The following ANKH variants were observed in gnomAD, a reference collection of about 807,000 sequenced individuals.
ANKH encodes ANKH inorganic pyrophosphate transport regulator.
In ANKH, 15 loss-of-function variants were observed where a neutral mutation model predicts 49.0. The observed-to-expected ratio is 0.31, with a 90% CI of 0.20 to 0.47. The LOEUF is 0.47. ANKH is among the 20% of genes least tolerant of loss of function. The pLI is 1.00. For missense variants in ANKH, 429 were observed against 652.0 expected, an observed-to-expected ratio of 0.66 and a Z score of 3.72; for synonymous variants, 273 against 260.0, an observed-to-expected ratio of 1.05 and a Z score of -0.48.
At chr5:14,870,147 C>A (rs1735773174) in intron 1 of ANKH, 1 of 152,080 alleles carries the variant, frequency 6.6e-6, no homozygotes, top group Non-Finnish European at 1.5e-5. Flanking sequence ...GCGCGGTAAA[C>A]AAAGGTCTCT....
intron 1 of ANKH, among the ~76,000 whole-genome samples, chr5:14,779,951 A>G (rs1304235535): frequency 2.0e-5 from 3 of 152,164 alleles, no homozygotes; most frequent in East Asian, 1.9e-4. Context: ...TTGGATGTCA[A>G]TTGGGATAGA....
chr5:14,834,714 G>A (rs1386687069), intron 1 of ANKH, among the ~76,000 whole-genome samples: 4 of 152,208 alleles, frequency 2.6e-5, no homozygotes, highest in African/African-American at 9.6e-5. Context: ...CCAGGAGGCT[G>A]AGGTTGCAGT....
intron 8 of ANKH, among the ~76,000 whole-genome samples, chr5:14,726,317 G>A (rs1328082345): frequency 6.6e-6 from 1 of 152,196 alleles, no homozygotes; most frequent in African/African-American, 2.4e-5. Context: ...ACGTAAGGAA[G>A]GAGGACAGTT....
At chr5:14,833,366 C>T (rs1290586220) in intron 1 of ANKH, among the ~76,000 whole-genome samples, 2 of 152,178 alleles carry the variant, frequency 1.3e-5, no homozygotes, top group Non-Finnish European at 2.9e-5. Context: ...CATTCATTCA[C>T]ACACAAGGGT....
chr5:14,826,858 T>C (rs964683147), intron 1 of ANKH, among the ~76,000 whole-genome samples: 5 of 152,256 alleles, frequency 3.3e-5, no homozygotes, highest in African/African-American at 1.2e-4. Context: ...TTCTGCTTCC[T>C]GGGCCCCCAG....
chr5:14,761,209 G>A lies in ANKH; in HGVS notation c.314-2611C>T, dbSNP rs116313904. On this transcript the variant is annotated intron_variant, in intron 2 of 11. Transcript: ENST00000284268. Reference sequence around the variant, plus strand: ...ATATCTCTCAGAAGGAACCGCCCCTGCAACACCTTGACCTCGGACTTCCAG... The same window carrying A: ...ATATCTCTCAGAAGGAACCGCCCCTACAACACCTTGACCTCGGACTTCCAG... 5.2e-3 allele frequency among the ~76,000 whole-genome samples: 790 copies of A among 152,284 alleles called. 8 individuals are homozygous for A. Among genetic ancestry groups the A allele is most frequent in the African/African-American group, 0.018 (759 of 41,554 alleles).
chr5:14,861,067 C>T (rs1735473699), intron 1 of ANKH, among the ~76,000 whole-genome samples: 1 of 152,082 alleles, frequency 6.6e-6, no homozygotes, highest in South Asian at 2.1e-4. Flanking sequence ...CATGAGCCAC[C>T]GTGCCCGGCC....
At chr5:14,735,961 G>T (rs1401049520) in intron 8 of ANKH, among the ~76,000 whole-genome samples, 1 of 142,134 alleles carries the variant, frequency 7.0e-6, no homozygotes, top group African/African-American at 2.7e-5. Context: ...ACCCCCCACT[G>T]ACTACAAAAA....
At position 14,819,353 on chromosome 5, in the gene ANKH, T is replaced by C. The variant is rs1478900203; in HGVS notation, c.97-50162A>G. The stretch of plus-strand genomic sequence containing the variant: ...CCATATCTATGTGGGACTATATTGC[T>C]GTAATGCAGTCATGAAAATCTGCGG... On this transcript the variant is annotated intron_variant, in intron 1 of 11. Transcript: ENST00000284268. Among the ~76,000 whole-genome samples, 4 of 152,390 alleles carry C rather than the reference T, an allele frequency of 2.6e-5. No homozygotes were observed. In the East Asian group the frequency reaches 5.8e-4, roughly 22 times the overall value.
chr5:14,725,880 G>A lies in ANKH; in HGVS notation c.1012-9045C>T, dbSNP rs1580008912. On this transcript the variant is annotated intron_variant, in intron 8 of 11. Transcript: ENST00000284268. This position sits in a 1 kb window ranked among gnomAD's most constrained non-coding sequence, Gnocchi z 4.0. ...CCCGCCTCAGCCTCCTGAGTAGCTG[G>A]GACTACAGGTACGTGCCACCACGCC... Among the ~76,000 whole-genome samples the A allele has an allele frequency of 2.6e-5, 4 of 152,306 alleles. No individual in the cohort carries two copies. In the South Asian group the frequency reaches 6.2e-4, roughly 24 times the overall value.
At chr5:14,769,992 C>A (rs916612196) in intron 1 of ANKH, among the ~76,000 whole-genome samples, 1 of 152,150 alleles carries the variant, frequency 6.6e-6, no homozygotes, top group African/African-American at 2.4e-5. Context: ...TTTCCCACCC[C>A]GAAGACAAAT....
chr5:14,738,412 C>T (rs1738251852), intron 8 of ANKH, among the ~76,000 whole-genome samples: 1 of 152,162 alleles, frequency 6.6e-6, no homozygotes, highest in Admixed American at 6.5e-5. Context: ...GGGGTCAGCT[C>T]TTCTCAAAAG....
At chr5:14,803,137 T>C (rs967638115) in intron 1 of ANKH, among the ~76,000 whole-genome samples, 1 of 152,206 alleles carries the variant, frequency 6.6e-6, no homozygotes, top group Admixed American at 6.5e-5. Flanking sequence ...GTGTGCATAC[T>C]GGGCTGCAAT....
intron 1 of ANKH, among the ~76,000 whole-genome samples, chr5:14,782,157 C>T (rs1439999448): frequency 1.3e-5 from 2 of 152,064 alleles, no homozygotes; most frequent in Non-Finnish European, 2.9e-5. Context: ...AGTGTGTTTA[C>T]ACTAAGCAAA....
At chr5:14,747,311 A>G (rs1738569236) in intron 6 of ANKH, among the ~76,000 whole-genome samples, 1 of 152,208 alleles carries the variant, frequency 6.6e-6, no homozygotes, top group Non-Finnish European at 1.5e-5. Context: ...CAGCCATGGT[A>G]GCTTAAGCCT....
intron 8 of ANKH, among the ~76,000 whole-genome samples, chr5:14,740,459 G>A (rs1738319109): frequency 6.6e-6 from 1 of 152,044 alleles, no homozygotes; most frequent in African/African-American, 2.4e-5. Flanking sequence ...GCTCAAACAG[G>A]CATTGCTATC....
At chr5:14,793,949 C>T (rs1227513438) in intron 1 of ANKH, among the ~76,000 whole-genome samples, 1 of 152,246 alleles carries the variant, frequency 6.6e-6, no homozygotes, top group Non-Finnish European at 1.5e-5. Flanking sequence ...AGAAGTAATG[C>T]TATCCACTGA....
In ANKH at chr5:14,711,144, C is replaced by T; in HGVS notation, c.*53G>A. On this transcript the variant is annotated 3_prime_UTR_variant, in exon 12 of 12. Coordinates refer to ENST00000284268, the MANE Select transcript of ANKH (RefSeq NM_054027.6). ...ACGATGGGAGAGGGAAGAGATGATG[C>T]CGAAGTGTCATCCTGACTGACTGTC... is the stretch of plus-strand genomic sequence containing the variant. 7.0e-7 allele frequency: 1 copy of T among 1,427,734 alleles called. No individual in the cohort carries two copies. The highest frequency in any genetic ancestry group is 9.9e-7 in the Non-Finnish European group (1 of 1,010,198). 88.4% of individuals were successfully genotyped at this position (1,427,734 alleles called of 1,614,324 possible).
At chr5:14,804,055 C>G (rs894673381) in intron 1 of ANKH, among the ~76,000 whole-genome samples, 19 of 152,126 alleles carry the variant, frequency 1.2e-4, no homozygotes, top group African/African-American at 4.6e-4. Flanking sequence ...GCCACCATGC[C>G]TGGCTAATTT....
Sources: allele counts gnomAD v4.1 joint callset (sites outside exome capture counted in the v4.1 genomes callset), GRCh38; gene constraint gnomAD v4.1.1; non-coding constraint Gnocchi (gnomAD v3.1); transcripts MANE v1.5; gene names NCBI Gene and HGNC (gene_info 2026-07-23, HGNC 2026-07-21).